Variants in MANEA observed in about 807,000 individuals in gnomAD.
MANEA encodes mannosidase endo-alpha, also known as glycoprotein endo-alpha-1,2-mannosidase.
Under a neutral mutation model 36.8 loss-of-function variants are expected in MANEA, and 25 were observed. The observed-to-expected ratio is 0.68, with a 90% CI of 0.50 to 0.95. The LOEUF is 0.95. Among genes scored for constraint, MANEA ranks in the 40% least tolerant of loss-of-function variants. The pLI is 0.00. For missense variants in MANEA, 565 were observed against 558.8 expected, an observed-to-expected ratio of 1.01 and a Z score of -0.11; for synonymous variants, 198 against 188.5, an observed-to-expected ratio of 1.05 and a Z score of -0.41.
At chr6:95,593,128 G>A (rs1206952733) in intron 2 of MANEA, among the ~76,000 whole-genome samples, 1 of 152,160 alleles carries the variant, frequency 6.6e-6, no homozygotes, top group African/African-American at 2.4e-5. Context: ...GTGATACTCA[G>A]TTGGCTTATT....
At chr6:95,604,466 C>T (rs530987403) in intron 3 of MANEA, among the ~76,000 whole-genome samples, 37 of 152,016 alleles carry the variant, frequency 2.4e-4, no homozygotes, top group Admixed American at 2.2e-3. Flanking sequence ...AAGCATTGCA[C>T]AGCAGTTAAG....
chr6:95,586,584 C>A lies in MANEA; in HGVS notation c.145C>A (p.His49Asn). The A allele has an allele frequency of 6.2e-7, 1 of 1,614,010 alleles. No homozygotes were observed. Among genetic ancestry groups the A allele is most frequent in the Non-Finnish European group, 8.5e-7 (1 of 1,179,994 alleles). The change falls in exon 2 of 5, where the codon CAT (histidine) becomes AAT (asparagine). Residue 49 changes from histidine to asparagine, a missense_variant. Transcript: ENST00000358812. The stretch of plus-strand genomic sequence containing the variant: ...TGGACTTGACCTTCTTCCAGAACTT[C>A]ATCAACGAACTATTCATTTGGGGAA... ...PFGLDLLPELHQRTIHLGKNF... is the reference protein window; with the variant it reads ...PFGLDLLPELNQRTIHLGKNF...
In MANEA at chr6:95,586,942, T is replaced by G; in HGVS notation, c.503T>G (p.Val168Gly). The part of the protein sequence containing the change: ...LGSYSSRDPS[V>G]IETHMRQMRS... ...AGTTACAGTTCTCGGGATCCTTCTG[T>G]CATAGAAACTCACATGAGACAAATG... The change falls in exon 2 of 5, where the codon GTC becomes GGC. Residue 168 changes from valine (V) to glycine (G), a missense_variant. Coordinates refer to ENST00000358812, the MANE Select transcript of MANEA (RefSeq NM_024641.4). 6.2e-7 allele frequency: 1 copy of G among 1,612,324 alleles called. No homozygotes were observed. The highest frequency in any genetic ancestry group is 8.5e-7 in the Non-Finnish European group (1 of 1,178,984).
Position 95,584,057 on chromosome 6 carries a change from T to C in MANEA, c.-38-2345T>C, listed in dbSNP as rs569265549. ...CTAAGAATACTCTTATAATTTCTTA[T>C]GCCTGTCTTACTTTAATCTCTTAAT... On this transcript the variant is annotated intron_variant, in intron 1 of 4. Transcript: ENST00000358812. Among the ~76,000 whole-genome samples, 12 of 152,336 alleles carry C rather than the reference T, an allele frequency of 7.9e-5. No individual in the cohort carries two copies. In the South Asian group the frequency reaches 2.3e-3, roughly 29 times the overall value.
intron 3 of MANEA, among the ~76,000 whole-genome samples, chr6:95,602,227 A>G (rs1769607700): frequency 1.3e-5 from 2 of 152,220 alleles, no homozygotes; most frequent in African/African-American, 2.4e-5. Flanking sequence ...CGTGTCAGAT[A>G]CAGTCCCAGA....
chr6:95,591,276 A>G (rs891336351), intron 2 of MANEA, among the ~76,000 whole-genome samples: 33 of 152,268 alleles, frequency 2.2e-4, no homozygotes, highest in African/African-American at 7.7e-4. Flanking sequence ...CTTGCAATGA[A>G]TATTTTCAAA....
chr6:95,586,658 C>G lies in MANEA; in HGVS notation c.219C>G (p.Thr73=). The G allele has an allele frequency of 6.2e-7, 1 of 1,613,778 alleles. No individual in the cohort carries two copies. Among genetic ancestry groups the G allele is most frequent in the Non-Finnish European group, 8.5e-7 (1 of 1,179,886 alleles). Residue 73 remains threonine, a synonymous_variant, in exon 2 of 5, where the codon ACC becomes ACG. Coordinates refer to ENST00000358812, the MANE Select transcript of MANEA (RefSeq NM_024641.4). Reference sequence around the variant, plus strand: ...ACAGAATCAACAGTGAAACAAATACCAAGAATTTAAAAAGTGTTGAAATCA... The same window carrying G: ...ACAGAATCAACAGTGAAACAAATACGAAGAATTTAAAAAGTGTTGAAATCA... ...KSDRINSETN[T]KNLKSVEITM...
At position 95,607,155 on chromosome 6, in the gene MANEA, T is replaced by G. The variant is rs1272148923; in HGVS notation, c.*750T>G. On this transcript the variant is annotated 3_prime_UTR_variant, in exon 5 of 5. Transcript: ENST00000358812. The stretch of plus-strand genomic sequence containing the variant: ...CATGTTTAGTGTTTCTGCTTTACAG[T>G]GCTGAATTCCATATTTTAGAAGCTA... 1 of 152,118 alleles carries G rather than the reference T, an allele frequency of 6.6e-6. No individual in the cohort carries two copies. Among genetic ancestry groups the G allele is most frequent in the Admixed American group, 6.6e-5 (1 of 15,250 alleles). 9.4% of individuals were successfully genotyped at this position (152,118 alleles called of 1,614,324 possible).
In MANEA at chr6:95,586,543, CTTT is replaced by C. The variant is rs753580067; in HGVS notation, c.106_108del (p.Phe36del). The C allele has an allele frequency of 1.2e-6, 2 of 1,613,898 alleles. No homozygotes were observed. Among genetic ancestry groups the C allele is most frequent in the African/African-American group, 2.7e-5 (2 of 74,902 alleles). ...AAAATGCTGAGACCAAATACAGCTA[CTTT>C]TGGAGCTCCTTTTGGACTTGACCTT... is the stretch of plus-strand genomic sequence containing the variant. On this transcript the variant is annotated inframe_deletion, in exon 2 of 5. Coordinates refer to ENST00000358812, the MANE Select transcript of MANEA (RefSeq NM_024641.4).
At chr6:95,577,816 G>A (rs1394496036) in intron 1 of MANEA, among the ~76,000 whole-genome samples, 178 bp downstream of exon 1, 1 of 152,230 alleles carries the variant, frequency 6.6e-6, no homozygotes, top group Admixed American at 6.5e-5. Context: ...CCAGCGGCGA[G>A]CCTGTAGCCC....
At chr6:95,601,495 C>G (rs1254346828) in intron 3 of MANEA, among the ~76,000 whole-genome samples, 1 of 151,876 alleles carries the variant, frequency 6.6e-6, no homozygotes, top group African/African-American at 2.4e-5. Context: ...AAAAGCATGC[C>G]CCTTTCTGCC....
In MANEA at chr6:95,587,005, A is replaced by ATATATATG. The variant is rs148967607; in HGVS notation, c.544+23_544+24insATATATGT. 10,455 of 1,334,386 alleles carry ATATATATG rather than the reference A, an allele frequency of 7.8e-3. 33 individuals carry two copies. The highest frequency in any genetic ancestry group is 9.2e-3 in the Non-Finnish European group (8,634 of 937,390). The allele number at this position is 1,334,386 out of a possible 1,614,324, so 82.7% of individuals were successfully genotyped here. On this transcript the variant is annotated intron_variant, in intron 2 of 4. Transcript: ENST00000358812. The stretch of plus-strand genomic sequence containing the variant: ...ATTGGTAATTATTGTATATATATAT[A>ATATATATG]TGTGTGTTTGTGTCTGTATATATGC...
chr6:95,586,878 C>T lies in MANEA; in HGVS notation c.439C>T (p.Pro147Ser). 2 of 1,613,498 alleles carry T rather than the reference C, an allele frequency of 1.2e-6. No individual in the cohort carries two copies. Among genetic ancestry groups the T allele is most frequent in the Non-Finnish European group, 8.5e-7 (1 of 1,179,488 alleles). ...TTATCCACAAGGGAGACACAACCCT[C>T]CAGATGACATTGGCTCCAGCTTTTA... is the stretch of plus-strand genomic sequence containing the variant. ...KNYPQGRHNP[P>S]DDIGSSFYPE... is the part of the protein sequence containing the mutation. Residue 147 changes from proline (P) to serine (S), a missense_variant, in exon 2 of 5, where the codon CCA (proline) becomes TCA (serine). Transcript: ENST00000358812.
intron 1 of MANEA, among the ~76,000 whole-genome samples, chr6:95,582,495 C>A (rs1358950751): frequency 6.6e-6 from 1 of 152,108 alleles, no homozygotes; most frequent in Non-Finnish European, 1.5e-5. Context: ...TCCTTTTATA[C>A]CTGTTAGTGC....
rs1769535941 is a variant in MANEA at position 95,598,932 on chromosome 6, T to G, written c.654+2086T>G. On this transcript the variant is annotated intron_variant, in intron 3 of 4. Coordinates refer to ENST00000358812, the MANE Select transcript of MANEA (RefSeq NM_024641.4). ...ATCTGAATCTAAATTCAGGTCTGCA[T>G]TCAATCCTGGCTCAACCACCTTGTA... Among the ~76,000 whole-genome samples, 3 of 152,264 alleles carry G rather than the reference T, an allele frequency of 2.0e-5. No homozygotes were observed. The South Asian group carries it at 6.2e-4, about 32-fold the overall frequency.
Position 95,606,839 on chromosome 6 carries a change from T to C in MANEA, c.*434T>C, listed in dbSNP as rs151194112. The stretch of plus-strand genomic sequence containing the variant: ...AACCCCTTAAAGATAATGTACATGC[T>C]TCATGTCATGTCTTTAAAATAATTT... On this transcript the variant is annotated 3_prime_UTR_variant, in exon 5 of 5. Coordinates refer to ENST00000358812, the MANE Select transcript of MANEA (RefSeq NM_024641.4). The C allele has an allele frequency of 1.5e-4, 23 of 152,486 alleles. No homozygotes were observed. Among genetic ancestry groups the C allele is most frequent in the African/African-American group, 5.5e-4 (23 of 41,562 alleles). The allele number at this position is 152,486 out of a possible 1,614,324, so 9.4% of individuals were successfully genotyped here.
chr6:95,586,993 G>GTATATATA lies in MANEA; in HGVS notation c.544+16_544+23dup, dbSNP rs113485216. Reference sequence around the variant, plus strand: ...CGCTCAGCTTCAATTGGTAATTATTGTATATATATATATGTGTGTTTGTGT... The same window carrying GTATATATA: ...CGCTCAGCTTCAATTGGTAATTATTGTATATATATATATATATATATGTGTGTTTGTGT... On this transcript the variant is annotated intron_variant, in intron 2 of 4. Transcript: ENST00000358812. The GTATATATA allele has an allele frequency of 7.8e-5, 101 of 1,302,438 alleles. No homozygotes were observed. The African/African-American group carries it at 1.4e-3, about 18-fold the overall frequency. The allele number at this position is 1,302,438 out of a possible 1,614,324, so 80.7% of individuals were successfully genotyped here. A position where few individuals can be genotyped will look rare whatever the true frequency, so the allele number is the denominator to read the frequency against.
Position 95,605,823 on chromosome 6 carries a change from T to C in MANEA, c.807T>C (p.Asp269=). The part of the protein sequence containing the change: ...GNALPMFYVY[D]SYITKPEKWA... ...CTCTTCCTATGTTTTATGTCTATGA[T>C]TCCTATATTACCAAGCCTGAAAAAT... Residue 269 remains aspartate (D), a synonymous_variant, in exon 5 of 5, where the codon GAT becomes GAC. Transcript: ENST00000358812. 1 of 1,613,772 alleles carries C rather than the reference T, an allele frequency of 6.2e-7. No individual in the cohort carries two copies.
intron 1 of MANEA, among the ~76,000 whole-genome samples, chr6:95,581,295 G>T (rs1233498639): frequency 6.6e-6 from 1 of 152,126 alleles, no homozygotes; most frequent in Non-Finnish European, 1.5e-5. Context: ...GAGCTTGTGT[G>T]TCATCTATAA....
Sources: allele counts gnomAD v4.1 joint callset (sites outside exome capture counted in the v4.1 genomes callset), GRCh38; gene constraint gnomAD v4.1.1; transcripts MANE v1.5; gene names NCBI Gene and HGNC (gene_info 2026-07-23, HGNC 2026-07-21).